MCM8: variants seen among roughly 807,000 people sequenced by gnomAD.
MCM8 encodes minichromosome maintenance 8 homologous recombination repair factor, also known as DNA helicase MCM8.
MCM8 carries 85 observed loss-of-function variants against 98.9 expected under a neutral mutation model. That is an observed-to-expected ratio of 0.86 (90% CI 0.72 to 1.03). The LOEUF is 1.03. Among genes scored for constraint, MCM8 ranks in the 50% least tolerant of loss-of-function variants. The pLI is 0.00. For missense variants in MCM8, 951 were observed against 997.8 expected, an observed-to-expected ratio of 0.95 and a Z score of 0.63; for synonymous variants, 352 against 338.6, an observed-to-expected ratio of 1.04 and a Z score of -0.44.
intron 10 of MCM8, among the ~76,000 whole-genome samples, chr20:5,969,699 C>G (rs1171485174): frequency 6.6e-6 from 1 of 151,862 alleles, no homozygotes. Context: ...TGTTAATTAG[C>G]TGACTGAGTA....
rs1045462382 is a variant in MCM8 at position 5,994,484 on chromosome 20, C to G, written c.*93C>G. 108 of 441,924 alleles carry G rather than the reference C, an allele frequency of 2.4e-4. No individual in the cohort carries two copies. The highest frequency in any genetic ancestry group is 2.6e-4 in the Non-Finnish European group (69 of 262,258). 27.4% of individuals were successfully genotyped at this position (441,924 alleles called of 1,614,324 possible). On this transcript the variant is annotated 3_prime_UTR_variant, in exon 19 of 19. Transcript: ENST00000610722. ...GTGCACGCACAGACAGACAGACACA[C>G]ACACACACACACACACACACACACA...
intron 5 of MCM8, among the ~76,000 whole-genome samples, chr20:5,956,834 G>C (rs1007687067): frequency 2.6e-5 from 4 of 151,860 alleles, no homozygotes; most frequent in Non-Finnish European, 4.4e-5. Flanking sequence ...GTATCAAGAG[G>C]TGATGGTTTT....
intron 17 of MCM8, 49 bp downstream of exon 17, chr20:5,987,407 C>G: frequency 2.7e-6 from 4 of 1,497,180 alleles, no homozygotes; most frequent in Non-Finnish European, 3.7e-6. Context: ...AGTTATCTTC[C>G]CATCTCAAAT....
chr20:5,975,240 T>C (rs77145394), intron 12 of MCM8, among the ~76,000 whole-genome samples: 5,226 of 149,690 alleles, frequency 0.035, 123 homozygotes, highest in Middle Eastern at 0.1. Context: ...GCCTGGGCAA[T>C]AGAGCAAGAC....
intron 13 of MCM8, 52 bp downstream of exon 13, chr20:5,978,069 T>C (rs752042838): frequency 6.3e-7 from 1 of 1,596,000 alleles, no homozygotes. Context: ...TGAAAAGCCT[T>C]TTCCTTTTCA....
At chr20:5,993,403 CT>C in intron 17 of MCM8, 102 bp from the exon 18 acceptor site, 1 of 822,152 alleles carries the variant, frequency 1.2e-6, no homozygotes, top group Non-Finnish European at 1.8e-6. Flanking sequence ...CTAAGTGAGC[CT>C]TGTGGCTACT....
At chr20:5,975,824 G>A (rs1386216131) in intron 12 of MCM8, among the ~76,000 whole-genome samples, 1 of 151,362 alleles carries the variant, frequency 6.6e-6, no homozygotes. Context: ...ATGTTTCTTG[G>A]CAGATAGTTG....
intron 1 of MCM8, 25 bp downstream of exon 1, chr20:5,951,048 G>C (rs2088808228): frequency 6.6e-6 from 1 of 152,182 alleles, no homozygotes; most frequent in African/African-American, 2.4e-5. Flanking sequence ...CTTAGGAGAT[G>C]TAAATAAAGT....
chr20:5,952,024 A>G lies in MCM8; in HGVS notation c.9A>G (p.Gly3=). ...TCTATCTTTTAGGAGAGATGAATGG[A>G]GAGTATAGAGGCAGAGGATTTGGAC... MN[G]EYRGRGFGRG... The change falls in exon 2 of 19, where the codon GGA becomes GGG. Residue 3 remains glycine, a synonymous_variant. Coordinates refer to ENST00000610722, the MANE Select transcript of MCM8 (RefSeq NM_032485.6). The G allele has an allele frequency of 6.2e-7, 1 of 1,612,510 alleles. No individual in the cohort carries two copies. The highest frequency in any genetic ancestry group is 1.1e-5 in the South Asian group (1 of 90,886).
intron 17 of MCM8, 37 bp downstream of exon 17, chr20:5,987,395 C>A: frequency 6.5e-7 from 1 of 1,533,730 alleles, no homozygotes; most frequent in South Asian, 1.2e-5. Context: ...AAATGAAATA[C>A]CAGTTATCTT....
At position 5,986,131 on chromosome 20, in the gene MCM8, G is replaced by A. The variant is rs746660184; in HGVS notation, c.2163G>A (p.Glu721=). 1.2e-6 allele frequency: 2 copies of A among 1,614,012 alleles called. No homozygotes were observed. Among genetic ancestry groups the A allele is most frequent in the South Asian group, 1.1e-5 (1 of 91,080 alleles). ...TGGAATCTTTGATTCGTCTGACAGA[G>A]GTTTGTTTCTTTTTATGGTCATGCT... ...RQLESLIRLT[E]ARARLELREE... is the part of the protein sequence containing the mutation. Residue 721 remains glutamate (E), a splice_region_variant and synonymous_variant, in exon 16 of 19, where the codon GAG becomes GAA. Transcript: ENST00000610722.
At chr20:5,989,159 C>T (rs576935501) in intron 17 of MCM8, among the ~76,000 whole-genome samples, 8 of 138,210 alleles carry the variant, frequency 5.8e-5, no homozygotes, top group African/African-American at 1.2e-4. Context: ...CTCTGTCGCC[C>T]GGGCTGGAGT....
At chr20:5,953,682 C>G (rs2088894262) in intron 3 of MCM8, among the ~76,000 whole-genome samples, 1 of 151,902 alleles carries the variant, frequency 6.6e-6, no homozygotes, top group Admixed American at 6.6e-5. Flanking sequence ...ACCGTGTTAG[C>G]TAGGATGGTC....
chr20:5,992,740 T>C (rs747862476), intron 17 of MCM8, among the ~76,000 whole-genome samples: 14 of 152,228 alleles, frequency 9.2e-5, no homozygotes, highest in Non-Finnish European at 7.3e-5. Context: ...ACCTGTTTTG[T>C]TCACCACTAT....
Position 5,993,611 on chromosome 20 carries a change from T to C in MCM8, c.2346T>C (p.Ala782=). The change falls in exon 18 of 19, where the codon GCT becomes GCC. Residue 782 remains alanine, a synonymous_variant. Coordinates refer to ENST00000610722, the MANE Select transcript of MCM8 (RefSeq NM_032485.6). The stretch of plus-strand genomic sequence containing the variant: ...CAACAGCGAAAAGATTTATTTCTGC[T>C]CTCAACAACGTTGCTGAAAGAACTT... The part of the protein sequence containing the change: ...NRSTAKRFIS[A]LNNVAERTYN... 4 of 1,612,710 alleles carry C rather than the reference T, an allele frequency of 2.5e-6. No individual in the cohort carries two copies. The highest frequency in any genetic ancestry group is 2.2e-5 in the East Asian group (1 of 44,876).
intron 10 of MCM8, 79 bp from the exon 11 acceptor site, chr20:5,971,928 T>G: frequency 2.3e-6 from 3 of 1,281,160 alleles, no homozygotes; most frequent in Non-Finnish European, 3.3e-6. Context: ...TTAAGCAGGT[T>G]AAACAAATTG....
intron 5 of MCM8, among the ~76,000 whole-genome samples, 186 bp downstream of exon 5, chr20:5,955,437 C>T (rs1294014498): frequency 1.3e-5 from 2 of 152,236 alleles, no homozygotes; most frequent in East Asian, 1.9e-4. Context: ...AGATACCATT[C>T]ATTCTATATA....
At chr20:5,976,469 A>G (rs1051858273) in intron 12 of MCM8, among the ~76,000 whole-genome samples, 2 of 152,136 alleles carry the variant, frequency 1.3e-5, no homozygotes, top group African/African-American at 4.8e-5. Flanking sequence ...TTTTTATACC[A>G]TGGTCTAAAT....
rs372676123 is a variant in MCM8 at position 5,967,886 on chromosome 20, A to G, written c.1084A>G (p.Ile362Val). Reference sequence around the variant, plus strand: ...CCTTTTGTATATTGAAGCAAATTCTATTAGTAATAGCAAAGGACAGAAAAC... The same window carrying G: ...CCTTTTGTATATTGAAGCAAATTCTGTTAGTAATAGCAAAGGACAGAAAAC... ...MFLLYIEANS[I>V]SNSKGQKTKS... Residue 362 changes from isoleucine (I) to valine (V), a missense_variant, in exon 10 of 19, where the codon ATT becomes GTT. Ile to Val is a conservative substitution (Grantham distance 29). Transcript: ENST00000610722. 6.8e-6 allele frequency: 11 copies of G among 1,613,700 alleles called. No homozygotes were observed. The highest frequency in any genetic ancestry group is 9.3e-6 in the Non-Finnish European group (11 of 1,179,804).
Sources: allele counts gnomAD v4.1 joint callset (sites outside exome capture counted in the v4.1 genomes callset), GRCh38; gene constraint gnomAD v4.1.1; transcripts MANE v1.5; gene names NCBI Gene and HGNC (gene_info 2026-07-23, HGNC 2026-07-21).